CDH13: variants seen among roughly 807,000 people sequenced by gnomAD.
CDH13 encodes cadherin 13, also known as cadherin-13.
A neutral mutation model predicts 63.8 loss-of-function variants in CDH13; 24 were observed. That is an observed-to-expected ratio of 0.38 (90% CI 0.27 to 0.53). The LOEUF is 0.53. Ranked by LOEUF, CDH13 falls within the 20% of genes least tolerant of loss-of-function variation. The pLI is 0.85. For missense variants in CDH13, 1,049 were observed against 903.1 expected, an observed-to-expected ratio of 1.16 and a Z score of -2.07; for synonymous variants, 503 against 355.3, an observed-to-expected ratio of 1.42 and a Z score of -4.67.
At chr16:83,622,777 C>T (rs1443907836) in intron 8 of CDH13, among the ~76,000 whole-genome samples, 3 of 152,218 alleles carry the variant, frequency 2.0e-5, no homozygotes, top group African/African-American at 7.2e-5. Context: ...TTCAAGTTCA[C>T]CAGTCTCTGT....
rs984773098 is a variant in CDH13 at position 83,261,199 on chromosome 16, G to T, written c.636+43702G>T. Among the ~76,000 whole-genome samples the T allele has an allele frequency of 2.0e-5, 3 of 152,142 alleles. 1 individual carries two copies. Among genetic ancestry groups the T allele is most frequent in the Middle Eastern group, 6.4e-3 (2 of 314 alleles). On this transcript the variant is annotated intron_variant, in intron 5 of 13. Coordinates refer to ENST00000567109, the MANE Select transcript of CDH13 (RefSeq NM_001257.5). ...GCAAGGGGGCGTGCATGCGGAGTGG[G>T]CAGATACAGCCACAGCACATGGGTT...
chr16:83,420,435 A>T (rs1037636921), intron 6 of CDH13, among the ~76,000 whole-genome samples: 7 of 152,190 alleles, frequency 4.6e-5, no homozygotes, highest in African/African-American at 1.7e-4. Context: ...GAAAGCTTTT[A>T]TTCCCATAGA....
intron 2 of CDH13, among the ~76,000 whole-genome samples, chr16:82,940,781 G>A (rs936476248): frequency 6.6e-6 from 1 of 152,110 alleles, no homozygotes; most frequent in Non-Finnish European, 1.5e-5. Context: ...GCAAATGCTG[G>A]TGTTTAAAGG....
At position 82,778,614 on chromosome 16, in the gene CDH13, A is replaced by C. The variant is rs1233718525; in HGVS notation, c.46-79748A>C. 2.1e-5 allele frequency among the ~76,000 whole-genome samples: 3 copies of C among 145,288 alleles called. No individual in the cohort carries two copies. The South Asian group carries it at 6.5e-4, about 31-fold the overall frequency. ...AAAAAGGTCTGCTTTATCTATTCTC[A>C]CTACACAGCATTTATTAGATATGGC... On this transcript the variant is annotated intron_variant, in intron 1 of 13. Coordinates refer to ENST00000567109, the MANE Select transcript of CDH13 (RefSeq NM_001257.5).
intron 5 of CDH13, among the ~76,000 whole-genome samples, chr16:83,223,778 C>T (rs187554910): frequency 5.9e-5 from 9 of 152,296 alleles, no homozygotes; most frequent in Admixed American, 1.3e-4. Context: ...CAGGAAAGTC[C>T]GCTTGCCAGA....
chr16:82,896,694 G>A (rs1182615580), intron 2 of CDH13, among the ~76,000 whole-genome samples: 2 of 150,800 alleles, frequency 1.3e-5, no homozygotes, highest in East Asian at 2.0e-4. Flanking sequence ...CAGACCAGAT[G>A]CAGGTCTGAC....
At chr16:83,534,619 T>C (rs1051225054) in intron 7 of CDH13, among the ~76,000 whole-genome samples, 15 of 152,232 alleles carry the variant, frequency 9.9e-5, no homozygotes, top group African/African-American at 2.9e-4. Flanking sequence ...AGGTACGTCA[T>C]AGTGTTTACT....
chr16:83,013,097 C>T (rs1914326220), intron 2 of CDH13, among the ~76,000 whole-genome samples: 1 of 152,128 alleles, frequency 6.6e-6, no homozygotes, highest in South Asian at 2.1e-4. Flanking sequence ...TGACCTTGGC[C>T]TACAGCAGTG....
chr16:83,160,867 A>T (rs1182274768), intron 4 of CDH13, among the ~76,000 whole-genome samples: 1 of 152,212 alleles, frequency 6.6e-6, no homozygotes, highest in Non-Finnish European at 1.5e-5. Context: ...GTTTCCACAC[A>T]AGTGTTTGTC....
At chr16:83,131,205 C>T in intron 4 of CDH13, among the ~76,000 whole-genome samples, 1 of 129,674 alleles carries the variant, frequency 7.7e-6, no homozygotes, top group Non-Finnish European at 1.6e-5. Context: ...CCCCCCCGCC[C>T]ACAGACACAC....
chr16:83,002,170 G>A (rs910846722), intron 2 of CDH13, among the ~76,000 whole-genome samples: 1 of 152,182 alleles, frequency 6.6e-6, no homozygotes, highest in Admixed American at 6.5e-5. Context: ...TTTGGAAAAA[G>A]GGTCTTTGAA....
chr16:83,354,726 A>C (rs116715467), intron 6 of CDH13, among the ~76,000 whole-genome samples: 1 of 152,190 alleles, frequency 6.6e-6, no homozygotes, highest in African/African-American at 2.4e-5. Flanking sequence ...GGCAGGAATG[A>C]CCTGAGGGAC....
chr16:83,781,238 A>T (rs1344857156), intron 12 of CDH13, among the ~76,000 whole-genome samples: 2 of 152,236 alleles, frequency 1.3e-5, no homozygotes, highest in African/African-American at 4.8e-5. Flanking sequence ...AATATGGAGT[A>T]TCCCTATATC....
intron 11 of CDH13, among the ~76,000 whole-genome samples, chr16:83,760,630 C>A (rs1053381855): frequency 1.3e-5 from 2 of 152,136 alleles, no homozygotes; most frequent in Non-Finnish European, 2.9e-5. Context: ...AAGCTCAAAC[C>A]CAGGCGAAAT....
At chr16:83,793,494 G>A (rs1340210512) in intron 13 of CDH13, among the ~76,000 whole-genome samples, 4 of 152,144 alleles carry the variant, frequency 2.6e-5, no homozygotes, top group African/African-American at 9.7e-5. Flanking sequence ...CTCTTTCTGT[G>A]AAGTTTTCTA....
intron 2 of CDH13, among the ~76,000 whole-genome samples, chr16:82,893,895 T>C (rs1862682): frequency 0.41 from 62,532 of 151,950 alleles, 13,695 homozygotes; most frequent in East Asian, 0.79. Flanking sequence ...AGTGACATCA[T>C]TCCCCCGTCC....
chr16:83,271,124 A>G (rs1437930332), intron 5 of CDH13, among the ~76,000 whole-genome samples: 1 of 151,988 alleles, frequency 6.6e-6, no homozygotes, highest in Non-Finnish European at 1.5e-5. Flanking sequence ...CTCTTCTTGG[A>G]AAGCAGTTTA....
chr16:83,714,301 T>A (rs544753147), intron 10 of CDH13, among the ~76,000 whole-genome samples: 1 of 152,346 alleles, frequency 6.6e-6, no homozygotes, highest in East Asian at 1.9e-4. Context: ...AAAAGATTGA[T>A]TTTTATTATC....
At chr16:83,145,904 C>G (rs1302656232) in intron 4 of CDH13, among the ~76,000 whole-genome samples, 1 of 151,980 alleles carries the variant, frequency 6.6e-6, no homozygotes, top group Non-Finnish European at 1.5e-5. Flanking sequence ...GAAAAGAAGC[C>G]AGATTTGTAA....
Sources: allele counts gnomAD v4.1 joint callset (sites outside exome capture counted in the v4.1 genomes callset), GRCh38; gene constraint gnomAD v4.1.1; transcripts MANE v1.5; gene names NCBI Gene and HGNC (gene_info 2026-07-23, HGNC 2026-07-21).